Variants in NDST4 observed in about 807,000 individuals in gnomAD.
The protein encoded by NDST4 is N-heparan sulfate sulfotransferase 4.
NDST4 carries 63 observed loss-of-function variants against 100.8 expected under a neutral mutation model. The observed-to-expected ratio is 0.62, with a 90% CI of 0.51 to 0.77. The LOEUF (loss-of-function observed/expected upper bound fraction) is 0.77. Among genes scored for constraint, NDST4 ranks in the 30% least tolerant of loss-of-function variants. The probability of loss-of-function intolerance (pLI) is 0.00; values close to 1 mark genes in which losing one functional copy is unlikely to be tolerated. For missense variants in NDST4, 943 were observed against 1,018.4 expected (o/e 0.93, Z 1.01); for synonymous variants, 377 against 361.8 (o/e 1.04, Z -0.48).
At chr4:115,014,076 C>A (rs1000582879) in intron 2 of NDST4, among the ~76,000 whole-genome samples, 2 of 152,046 alleles carry the variant, frequency 1.3e-5, no homozygotes, top group Admixed American at 6.6e-5. Context: ...GCTTGAGAAA[C>A]AGCACAACCT....
At chr4:114,928,431 GA>G (rs1171569434) in intron 6 of NDST4, among the ~76,000 whole-genome samples, 1 of 152,142 alleles carries the variant, frequency 6.6e-6, no homozygotes, top group Non-Finnish European at 1.5e-5. Flanking sequence ...CACTTACACA[GA>G]AAAAATCCAA....
chr4:115,028,592 A>C (rs1321723243), intron 2 of NDST4, among the ~76,000 whole-genome samples: 3 of 152,078 alleles, frequency 2.0e-5, no homozygotes, highest in Non-Finnish European at 2.9e-5. Context: ...TATATTAATC[A>C]AAGAAAGAGA....
chr4:115,101,025 T>C (rs551948617), intron 1 of NDST4, among the ~76,000 whole-genome samples: 2 of 152,032 alleles, frequency 1.3e-5, no homozygotes, highest in Non-Finnish European at 2.9e-5. Flanking sequence ...GATTTGGTGA[T>C]TGATTGGATG....
At chr4:114,898,834 G>C (rs1485362784) in intron 6 of NDST4, among the ~76,000 whole-genome samples, 2 of 151,674 alleles carry the variant, frequency 1.3e-5, no homozygotes, top group African/African-American at 2.4e-5. Context: ...GTTTATTGCT[G>C]GTATAAAGGG....
At chr4:114,880,592 C>T (rs573701139) in intron 6 of NDST4, among the ~76,000 whole-genome samples, 15 of 152,214 alleles carry the variant, frequency 9.9e-5, no homozygotes, top group Admixed American at 6.6e-4. Flanking sequence ...AATAATGTCA[C>T]ATTTAGTTAT....
rs279527 is a variant in NDST4 at position 114,969,803 on chromosome 4, C to G, written c.1221+627G>C. 1.2e-4 allele frequency among the ~76,000 whole-genome samples: 18 copies of G among 152,332 alleles called. No homozygotes were observed. In the East Asian group the frequency reaches 3.5e-3, roughly 29 times the overall value. On this transcript the variant is annotated intron_variant, in intron 4 of 13. Coordinates refer to ENST00000264363, the MANE Select transcript of NDST4 (RefSeq NM_022569.3). ...TGTGTGTGCGTCTTTATGGTAGAAG[C>G]ATTTATACTTCTTTGGCATATAACT...
At chr4:114,931,047 G>GAAGT (rs1725500728) in intron 6 of NDST4, among the ~76,000 whole-genome samples, 1 of 152,096 alleles carries the variant, frequency 6.6e-6, no homozygotes, top group Non-Finnish European at 1.5e-5. Flanking sequence ...TTTAGAAACT[G>GAAGT]AAGTAAGTGT....
Position 114,872,171 on chromosome 4 carries a change from T to C in NDST4, c.1537-1221A>G, listed in dbSNP as rs969342724. The stretch of plus-strand genomic sequence containing the variant: ...CAATAAAGACTATATGCAGACCTTC[T>C]GTTCCCATGATCTAATATGTCACTG... On this transcript the variant is annotated intron_variant, in intron 6 of 13. Transcript: ENST00000264363. Among the ~76,000 whole-genome samples the C allele has an allele frequency of 3.3e-5, 5 of 152,156 alleles. No homozygotes were observed. In the East Asian group the frequency reaches 9.6e-4, roughly 29 times the overall value.
At chr4:115,107,851 T>C (rs1026936304) in intron 1 of NDST4, among the ~76,000 whole-genome samples, 1 of 152,198 alleles carries the variant, frequency 6.6e-6, no homozygotes, top group African/African-American at 2.4e-5. Flanking sequence ...GTGAAAAATA[T>C]GTCCAGACAG....
chr4:114,906,750 T>C (rs1455835755), intron 6 of NDST4, among the ~76,000 whole-genome samples: 2 of 151,996 alleles, frequency 1.3e-5, no homozygotes, highest in Non-Finnish European at 2.9e-5. Context: ...TATGAAGATA[T>C]ATTTATAATG....
intron 1 of NDST4, among the ~76,000 whole-genome samples, chr4:115,095,502 T>C (rs1202546566): frequency 1.3e-5 from 2 of 152,100 alleles, no homozygotes; most frequent in Admixed American, 1.3e-4. Context: ...TGGTTAGATG[T>C]CCTTTTTATT....
At chr4:114,837,743 A>G (rs924229699) in intron 11 of NDST4, among the ~76,000 whole-genome samples, 7 of 152,238 alleles carry the variant, frequency 4.6e-5, no homozygotes, top group Non-Finnish European at 7.4e-5. Context: ...AACCTAGGCA[A>G]TACCATTCAG....
At position 114,839,420 on chromosome 4, in the gene NDST4, T is replaced by C; in HGVS notation, c.2244A>G (p.Ala748=). The change falls in exon 11 of 14, where the codon GCA becomes GCG. Residue 748 remains alanine (A), a synonymous_variant. Coordinates refer to ENST00000264363, the MANE Select transcript of NDST4 (RefSeq NM_022569.3). ...AAGTTAGCCATCTTTCTATGTGGAC[T>C]GCATACCATCCAGGTACTAGGCATC... The part of the protein sequence containing the change: ...QRRCLVPGWY[A]VHIERWLTYF... 6.2e-7 allele frequency: 1 copy of C among 1,613,728 alleles called. No homozygotes were observed.
chr4:114,904,386 T>C (rs1724907272), intron 6 of NDST4, among the ~76,000 whole-genome samples: 2 of 151,972 alleles, frequency 1.3e-5, no homozygotes, highest in South Asian at 4.1e-4. Context: ...TCTTTTACTC[T>C]AGAATTATAC....
chr4:114,948,547 A>C (rs1313722904), intron 4 of NDST4, among the ~76,000 whole-genome samples: 8 of 152,102 alleles, frequency 5.3e-5, no homozygotes, highest in African/African-American at 1.9e-4. Context: ...CACACATTTC[A>C]AACTAAAATC....
chr4:115,054,535 G>A (rs528678), intron 2 of NDST4, among the ~76,000 whole-genome samples: 31,182 of 151,936 alleles, frequency 0.21, 4,031 homozygotes, highest in East Asian at 0.46. Context: ...AAGAAATATT[G>A]TCACCAATTT....
chr4:115,094,426 ATTG>A (rs1490736157), intron 1 of NDST4, among the ~76,000 whole-genome samples: 1 of 152,152 alleles, frequency 6.6e-6, no homozygotes, highest in Admixed American at 6.6e-5. Context: ...CATAATGTTG[ATTG>A]TAATAAATAA....
At chr4:115,101,509 G>T (rs1361968425) in intron 1 of NDST4, among the ~76,000 whole-genome samples, 1 of 151,956 alleles carries the variant, frequency 6.6e-6, no homozygotes, top group Non-Finnish European at 1.5e-5. Context: ...CTAAATAAAT[G>T]GTGTTGGTGG....
At chr4:114,869,429 A>G (rs977455191) in intron 7 of NDST4, among the ~76,000 whole-genome samples, 1 of 152,110 alleles carries the variant, frequency 6.6e-6, no homozygotes, top group African/African-American at 2.4e-5. Flanking sequence ...GAATTGATTT[A>G]CCATCAATAA....
Sources: gnomAD v4.1 joint callset for allele counts (sites outside exome capture counted in the v4.1 genomes callset) on GRCh38, gnomAD v4.1.1 for gene constraint, MANE v1.5 for transcripts, NCBI Gene and HGNC (gene_info 2026-07-23, HGNC 2026-07-21) for gene names.